Variants in CACNA1B observed in about 807,000 individuals in gnomAD.
CACNA1B encodes calcium voltage-gated channel subunit alpha1 B.
A neutral mutation model predicts 247.2 loss-of-function variants in CACNA1B; 70 were observed. The ratio of observed to expected loss-of-function variants is 0.28; its 90% CI spans 0.23 to 0.35. The LOEUF is 0.35. Ranked by LOEUF, CACNA1B falls within the 10% of genes least tolerant of loss-of-function variation. The probability of loss-of-function intolerance (pLI) is 1.00; values close to 1 mark genes in which losing one functional copy is unlikely to be tolerated. For synonymous variants in CACNA1B, 1,231 were observed against 1,294.4 expected (o/e 0.95, Z 1.05); for missense variants, 2,367 against 3,197.4 (o/e 0.74, Z 6.26).
Position 138,012,516 on chromosome 9 carries a change from G to A in CACNA1B, c.2161-613G>A, listed in dbSNP as rs1958737207. Reference sequence around the variant, plus strand: ...CCCAGCACTTTGGGAGGCCGAGGTGGGAGGATCACTTGAGCCTAGGAATTC... The same window carrying A: ...CCCAGCACTTTGGGAGGCCGAGGTGAGAGGATCACTTGAGCCTAGGAATTC... On this transcript the variant is annotated intron_variant, in intron 17 of 46. Transcript: ENST00000371372. The surrounding 1 kb of genome is among the most constrained non-coding windows in gnomAD (Gnocchi z 4.2). Among the ~76,000 whole-genome samples the A allele has an allele frequency of 6.6e-6, 1 of 152,012 alleles. No homozygotes were observed. Among genetic ancestry groups the A allele is most frequent in the Non-Finnish European group, 1.5e-5 (1 of 67,992 alleles).
intron 3 of CACNA1B, among the ~76,000 whole-genome samples, chr9:137,909,018 T>G (rs534207683): frequency 1.9e-4 from 28 of 150,552 alleles, no homozygotes; most frequent in African/African-American, 6.8e-4. Flanking sequence ...GAGACAGAAT[T>G]TCGCTCTTGT....
At chr9:138,108,797 C>T (rs1039862155) in intron 39 of CACNA1B, among the ~76,000 whole-genome samples, 5 of 152,068 alleles carry the variant, frequency 3.3e-5, no homozygotes, top group East Asian at 1.9e-4. Flanking sequence ...TACAGGTGCA[C>T]GCCACCACGC....
chr9:137,941,664 A>C (rs1397755175), intron 6 of CACNA1B, among the ~76,000 whole-genome samples: 1 of 152,236 alleles, frequency 6.6e-6, no homozygotes, highest in Non-Finnish European at 1.5e-5. Context: ...ACATAGGCCA[A>C]TGACAGAATA....
chr9:138,011,616 C>T lies in CACNA1B; in HGVS notation c.2161-1513C>T, dbSNP rs1958725125. Among the ~76,000 whole-genome samples the T allele has an allele frequency of 6.6e-6, 1 of 152,156 alleles. No individual in the cohort carries two copies. Among genetic ancestry groups the T allele is most frequent in the Admixed American group, 6.5e-5 (1 of 15,274 alleles). ...CCTTCCAGGGGACTTTAGAACACTCCCTGGAGTGACTGGCAAAGTCCCTGC... is the reference window on the plus strand; with the variant it reads ...CCTTCCAGGGGACTTTAGAACACTCTCTGGAGTGACTGGCAAAGTCCCTGC... On this transcript the variant is annotated intron_variant, in intron 17 of 46. Coordinates refer to ENST00000371372, the MANE Select transcript of CACNA1B (RefSeq NM_000718.4). The surrounding 1 kb of genome is among the most constrained non-coding windows in gnomAD (Gnocchi z 4.2).
intron 6 of CACNA1B, among the ~76,000 whole-genome samples, chr9:137,930,010 T>A (rs1957591360): frequency 6.6e-6 from 1 of 152,120 alleles, no homozygotes; most frequent in African/African-American, 2.4e-5. Flanking sequence ...TTACCCAGAC[T>A]GGTCTTGAAC....
chr9:138,097,715 A>G (rs1457415869), intron 37 of CACNA1B, among the ~76,000 whole-genome samples: 1 of 151,054 alleles, frequency 6.6e-6, no homozygotes, highest in Non-Finnish European at 1.5e-5. Flanking sequence ...GCCCCCTCGC[A>G]CTCCTCTGCC....
At chr9:137,900,294 G>T (rs911871816) in intron 3 of CACNA1B, among the ~76,000 whole-genome samples, 4 of 152,158 alleles carry the variant, frequency 2.6e-5, no homozygotes, top group Non-Finnish European at 5.9e-5. Context: ...TAGGGTTAGG[G>T]GGCCCAGAAG....
At chr9:137,987,678 G>T (rs1012048722) in intron 15 of CACNA1B, among the ~76,000 whole-genome samples, 3 of 152,126 alleles carry the variant, frequency 2.0e-5, no homozygotes, top group African/African-American at 7.2e-5. Flanking sequence ...TGTGTGAAGA[G>T]AGGGGCCCTT....
chr9:138,053,943 A>G lies in CACNA1B; in HGVS notation c.3905A>G (p.Gln1302Arg). 6.2e-7 allele frequency: 1 copy of G among 1,613,846 alleles called. No homozygotes were observed. Among genetic ancestry groups the G allele is most frequent in the Non-Finnish European group, 8.5e-7 (1 of 1,179,742 alleles). Reference protein sequence around the residue: ...FMFIFAVIAVQLFKGKFFYCT... With the variant: ...FMFIFAVIAVRLFKGKFFYCT... ...TTCATATTTGCCGTCATTGCGGTGC[A>G]GCTCTTCAAAGGGAAGTTTTTCTAC... is the stretch of plus-strand genomic sequence containing the variant. The change falls in exon 26 of 47, where the codon CAG (glutamine) becomes CGG (arginine). Residue 1302 changes from glutamine (Q) to arginine (R), a missense_variant. Around this residue, in one of 12 missense-constraint regions of CACNA1B, gnomAD observed 436 missense variants for 679.5 expected, o/e 0.64. Transcript: ENST00000371372.
chr9:138,112,857 A>G (rs972692683), intron 40 of CACNA1B, among the ~76,000 whole-genome samples: 11 of 146,518 alleles, frequency 7.5e-5, no homozygotes, highest in African/African-American at 2.8e-4. Context: ...GCCCAACTCC[A>G]TCTTGTGAGA....
At chr9:137,963,644 G>A (rs1201342485) in intron 10 of CACNA1B, among the ~76,000 whole-genome samples, 1 of 152,174 alleles carries the variant, frequency 6.6e-6, no homozygotes, top group East Asian at 1.9e-4. Context: ...TGATCTGCCT[G>A]CCTCGGCCTC....
chr9:137,957,530 G>A lies in CACNA1B; in HGVS notation c.1244-68G>A. The A allele has an allele frequency of 2.5e-6, 3 of 1,196,320 alleles. No homozygotes were observed. The highest frequency in any genetic ancestry group is 1.5e-5 in the African/African-American group (1 of 65,020). The allele number at this position is 1,196,320 out of a possible 1,614,324, so 74.1% of individuals were successfully genotyped here. Reference sequence around the variant, plus strand: ...GGTCCCAGGGGGAGGGTGATCCCATGCCCCGCTGAGGCAGGTGGCCTGAGG... The same window carrying A: ...GGTCCCAGGGGGAGGGTGATCCCATACCCCGCTGAGGCAGGTGGCCTGAGG... On this transcript the variant is annotated intron_variant, in intron 9 of 46. Transcript: ENST00000371372. This position sits in a 1 kb window ranked among gnomAD's most constrained non-coding sequence, Gnocchi z 4.7.
At chr9:138,119,352 C>G (rs576127393) in intron 44 of CACNA1B, among the ~76,000 whole-genome samples, 2 of 152,116 alleles carry the variant, frequency 1.3e-5, no homozygotes, top group Non-Finnish European at 2.9e-5. Flanking sequence ...CTGGGAGGAT[C>G]GCCCCTCCGA....
At position 137,880,103 on chromosome 9, in the gene CACNA1B, G is replaced by A. The variant is rs970035557; in HGVS notation, c.390+944G>A. Reference sequence around the variant, plus strand: ...CGCCCCCACTAGCATCCTGAGACAAGAGCTATTCAGACTTTAGCCCTGAAA... The same window carrying A: ...CGCCCCCACTAGCATCCTGAGACAAAAGCTATTCAGACTTTAGCCCTGAAA... On this transcript the variant is annotated intron_variant, in intron 2 of 46. Transcript: ENST00000371372. The surrounding 1 kb of genome is among the most constrained non-coding windows in gnomAD (Gnocchi z 4.8). Among the ~76,000 whole-genome samples, 1 of 152,216 alleles carries A rather than the reference G, an allele frequency of 6.6e-6. No individual in the cohort carries two copies. The highest frequency in any genetic ancestry group is 6.5e-5 in the Admixed American group (1 of 15,292).
intron 3 of CACNA1B, chr9:137,890,967 C>G (rs1458775123): frequency 2.0e-5 from 3 of 152,836 alleles, no homozygotes; most frequent in Admixed American, 6.5e-5. Flanking sequence ...ATGCTCGTCT[C>G]TCTCCGTGGT....
chr9:138,041,979 C>T (rs2133468530), intron 20 of CACNA1B, among the ~76,000 whole-genome samples: 1 of 152,076 alleles, frequency 6.6e-6, no homozygotes, highest in East Asian at 1.9e-4. Context: ...CCAGGATGGT[C>T]TCGTTGCTTG....
At chr9:137,966,929 A>G (rs1958085197) in intron 10 of CACNA1B, among the ~76,000 whole-genome samples, 1 of 151,606 alleles carries the variant, frequency 6.6e-6, no homozygotes. Context: ...AGCTGGGACT[A>G]TAGGTGTGCA....
rs527650088 is a variant in CACNA1B, at chr9:138,001,218, T to C, written c.1975-5549T>C. Reference sequence around the variant, plus strand: ...TCATAGATGCAGAAAAGTGAAACATTGATAAAAATAAACTTTAATTCATGA... The same window carrying C: ...TCATAGATGCAGAAAAGTGAAACATCGATAAAAATAAACTTTAATTCATGA... On this transcript the variant is annotated intron_variant, in intron 15 of 46. Coordinates refer to ENST00000371372, the MANE Select transcript of CACNA1B (RefSeq NM_000718.4). 1.3e-4 allele frequency among the ~76,000 whole-genome samples: 19 copies of C among 149,990 alleles called. No individual in the cohort carries two copies. The East Asian group carries it at 4.8e-3, about 38-fold the overall frequency.
Position 138,051,983 on chromosome 9 carries a change from T to C in CACNA1B, c.3711-109T>C, listed in dbSNP as rs1959298751. The C allele has an allele frequency of 3.1e-6, 2 of 648,364 alleles. No individual in the cohort carries two copies. Among genetic ancestry groups the C allele is most frequent in the South Asian group, 3.5e-5 (2 of 57,890 alleles). 40.2% of individuals were successfully genotyped at this position (648,364 alleles called of 1,614,324 possible). A position where few individuals can be genotyped will look rare whatever the true frequency, so the allele number is the denominator to read the frequency against. On this transcript the variant is annotated intron_variant, in intron 24 of 46. Transcript: ENST00000371372. This position sits in a 1 kb window ranked among gnomAD's most constrained non-coding sequence, Gnocchi z 4.3. ...TGCTCCTGGGTCCTCCACCCTGGAG[T>C]CTGAGACAAAATGCACAGGGGAGCA...
Sources: allele counts gnomAD v4.1 joint callset (sites outside exome capture counted in the v4.1 genomes callset), GRCh38; gene constraint gnomAD v4.1.1; regional missense constraint gnomAD v4.1.1; non-coding constraint Gnocchi (gnomAD v3.1); transcripts MANE v1.5; gene names NCBI Gene and HGNC (gene_info 2026-07-23, HGNC 2026-07-21).